Variants in UGT1A10 observed in about 807,000 individuals in gnomAD.
UGT1A10 encodes UDP glucuronosyltransferase family 1 member A10, also known as UDP-glucuronosyltransferase 1A10.
A neutral mutation model predicts 45.8 loss-of-function variants in UGT1A10; 49 were observed. That is an observed-to-expected ratio of 1.07 (90% confidence interval 0.85 to 1.36). The LOEUF (loss-of-function observed/expected upper bound fraction) is 1.36. Ranked by LOEUF, UGT1A10 falls within the 40% of genes most tolerant of loss-of-function variation. The probability of loss-of-function intolerance (pLI) is 0.00; values close to 1 mark genes in which losing one functional copy is unlikely to be tolerated. For missense variants in UGT1A10, 745 were observed against 668.6 expected (o/e 1.11, Z -1.26); for synonymous variants, 284 against 249.7 (o/e 1.14, Z -1.29).
rs776721160 is a variant in UGT1A10 at position 233,692,987 on chromosome 2, A to G, written c.855+55610A>G. The G allele has an allele frequency of 2.5e-6, 4 of 1,613,680 alleles. No individual in the cohort carries two copies. The Admixed American group carries it at 6.7e-5, about 27-fold the overall frequency. ...GTGAAAACTCTTTATTACCGTTGTT[A>G]CTTTAACTCTTTCCAGGATGGCCTG... On this transcript the variant is annotated intron_variant, in intron 1 of 4. Coordinates refer to ENST00000344644, the MANE Select transcript of UGT1A10 (RefSeq NM_019075.4).
intron 1 of UGT1A10, among the ~76,000 whole-genome samples, chr2:233,661,566 T>C (rs1201425001): frequency 6.6e-6 from 1 of 152,156 alleles, no homozygotes; most frequent in Non-Finnish European, 1.5e-5. Flanking sequence ...AAAGATATTT[T>C]GGAAAAAGTG....
chr2:233,672,285 T>A (rs1472432556), intron 1 of UGT1A10: 1 of 1,613,764 alleles, frequency 6.2e-7, no homozygotes, highest in Non-Finnish European at 8.5e-7. Context: ...ATGACATTTT[T>A]GACTTATTTT....
At chr2:233,737,391 C>A (rs1208787903) in intron 1 of UGT1A10, among the ~76,000 whole-genome samples, 1 of 152,188 alleles carries the variant, frequency 6.6e-6, no homozygotes, top group Non-Finnish European at 1.5e-5. Context: ...TCCTTGTCTG[C>A]CAGTTTATAA....
chr2:233,743,154 T>C (rs3796088), intron 1 of UGT1A10: 32,247 of 360,776 alleles, frequency 0.089, 2,110 homozygotes, highest in East Asian at 0.21. Context: ...CCGCTATTCC[T>C]CCAGATGTGC....
At chr2:233,689,671 A>G (rs1559343739) in intron 1 of UGT1A10, among the ~76,000 whole-genome samples, 2 of 152,208 alleles carry the variant, frequency 1.3e-5, no homozygotes, top group East Asian at 1.9e-4. Context: ...CCAAGAACAA[A>G]GAATGGCTGT....
chr2:233,680,557 G>A (rs2074490857), intron 1 of UGT1A10, among the ~76,000 whole-genome samples: 1 of 152,146 alleles, frequency 6.6e-6, no homozygotes. Flanking sequence ...ATGCTCCTCA[G>A]TGTGTTGCCT....
chr2:233,767,912 T>A lies in UGT1A10; in HGVS notation c.1051T>A (p.Trp351Arg), dbSNP rs1559414817. The change falls in exon 3 of 5, where the codon TGG (tryptophan) becomes AGG (arginine). Residue 351 changes from tryptophan (W) to arginine (R), a missense_variant. Physicochemically the swap from Trp to Arg is moderately radical, Grantham distance 101. Coordinates refer to ENST00000344644, the MANE Select transcript of UGT1A10 (RefSeq NM_019075.4). ...TGCGAACAACACGATACTTGTTAAG[T>A]GGCTACCCCAAAACGATCTGCTTGG... is the stretch of plus-strand genomic sequence containing the variant. The part of the protein sequence containing the change: ...NLANNTILVK[W>R]LPQNDLLGHP... The A allele has an allele frequency of 2.5e-6, 4 of 1,614,202 alleles. No homozygotes were observed. Among genetic ancestry groups the A allele is most frequent in the Non-Finnish European group, 3.4e-6 (4 of 1,180,044 alleles).
At chr2:233,694,877 T>C (rs1192899397) in intron 1 of UGT1A10, among the ~76,000 whole-genome samples, 1 of 152,212 alleles carries the variant, frequency 6.6e-6, no homozygotes, top group African/African-American at 2.4e-5. Context: ...TTGTACACAT[T>C]TGGGGGGTTC....
chr2:233,648,917 C>G (rs536979182), intron 1 of UGT1A10: 3 of 1,363,194 alleles, frequency 2.2e-6, no homozygotes, highest in African/African-American at 2.9e-5. Flanking sequence ...AGCCACACAT[C>G]AATTTGGTTG....
chr2:233,637,782 T>C (rs1203779876), intron 1 of UGT1A10, among the ~76,000 whole-genome samples: 1 of 152,210 alleles, frequency 6.6e-6, no homozygotes, highest in African/African-American at 2.4e-5. Flanking sequence ...TAAGTTCCCA[T>C]ACCTATTTAG....
chr2:233,720,461 C>T (rs1003798976), intron 1 of UGT1A10, among the ~76,000 whole-genome samples: 2 of 151,944 alleles, frequency 1.3e-5, no homozygotes, highest in African/African-American at 4.8e-5. Flanking sequence ...AAGCTGGGAC[C>T]AGTGATGAAT....
intron 1 of UGT1A10, chr2:233,755,008 C>T (rs1695684715): frequency 3.1e-6 from 4 of 1,292,406 alleles, no homozygotes; most frequent in African/African-American, 1.5e-5. Context: ...AAGACCTACT[C>T]GAAGGGGTCC....
intron 1 of UGT1A10, chr2:233,729,153 G>T: frequency 6.2e-7 from 1 of 1,613,546 alleles, no homozygotes; most frequent in African/African-American, 1.3e-5. Context: ...AGGTTCCCCT[G>T]CCGTGGCTGG....
At chr2:233,751,292 A>C (rs1369040584) in intron 1 of UGT1A10, among the ~76,000 whole-genome samples, 1 of 151,886 alleles carries the variant, frequency 6.6e-6, no homozygotes, top group East Asian at 1.9e-4. Flanking sequence ...TCCCATTTGG[A>C]ATGGGAATAT....
intron 1 of UGT1A10, among the ~76,000 whole-genome samples, chr2:233,704,467 C>T (rs2075790222): frequency 6.6e-6 from 1 of 151,994 alleles, no homozygotes; most frequent in South Asian, 2.1e-4. Flanking sequence ...GCTCTATTTC[C>T]TTTCTCCCCT....
chr2:233,741,193 A>G (rs1392920189), intron 1 of UGT1A10, among the ~76,000 whole-genome samples: 1 of 151,910 alleles, frequency 6.6e-6, no homozygotes, highest in Non-Finnish European at 1.5e-5. Flanking sequence ...TTTGCTTTCA[A>G]CTGTTAAAAC....
At chr2:233,681,894 G>A in intron 1 of UGT1A10, 1 of 1,587,714 alleles carries the variant, frequency 6.3e-7, no homozygotes. Flanking sequence ...CTATATTATA[G>A]GAGCTTAGAA....
At position 233,718,958 on chromosome 2, in the gene UGT1A10, G is replaced by A. The variant is rs201006205; in HGVS notation, c.856-48076G>A. 528 of 1,614,220 alleles carry A rather than the reference G, an allele frequency of 3.3e-4. 5 individuals carry two copies. In the South Asian group the frequency reaches 5.5e-3, roughly 17 times the overall value. On this transcript the variant is annotated intron_variant, in intron 1 of 4. Coordinates refer to ENST00000344644, the MANE Select transcript of UGT1A10 (RefSeq NM_019075.4). ...GCAGCCCCTGGCTCAGCATGCGGGA[G>A]GCCTTGCGGGAGCTCCATGCCAGAG...
At chr2:233,736,129 C>T (rs1342525858) in intron 1 of UGT1A10, among the ~76,000 whole-genome samples, 3 of 152,224 alleles carry the variant, frequency 2.0e-5, no homozygotes, top group South Asian at 2.1e-4. Flanking sequence ...CCATTCTCCG[C>T]ATCACTTTCA....
Sources: allele counts gnomAD v4.1 joint callset (sites outside exome capture counted in the v4.1 genomes callset), GRCh38; gene constraint gnomAD v4.1.1; transcripts MANE v1.5; gene names NCBI Gene and HGNC (gene_info 2026-07-23, HGNC 2026-07-21).